The following LRP1B variants were observed in gnomAD, a reference collection of about 807,000 sequenced individuals.
LRP1B encodes LDL receptor related protein 1B.
In LRP1B, 217 loss-of-function variants were observed where a neutral mutation model predicts 556.6. That is an observed-to-expected ratio of 0.39 (90% CI 0.35 to 0.44). The LOEUF is 0.44. LRP1B is among the 20% of genes least tolerant of loss of function. LRP1B has a pLI of 1.00. For synonymous variants in LRP1B, 2,047 were observed against 1,865.8 expected (o/e 1.10, Z -2.50); for missense variants, 5,053 against 5,620.8 (o/e 0.90, Z 3.23).
intron 35 of LRP1B, among the ~76,000 whole-genome samples, chr2:140,754,863 C>G (rs1245724167): frequency 2.0e-5 from 3 of 150,382 alleles, no homozygotes; most frequent in Non-Finnish European, 3.0e-5. Context: ...ACAGAAAATA[C>G]TAACAAAATC....
intron 6 of LRP1B, among the ~76,000 whole-genome samples, chr2:141,227,207 G>C (rs1276874760): frequency 6.6e-6 from 1 of 152,146 alleles, no homozygotes. Context: ...TTAAAGAAGA[G>C]AAGACACCAT....
At chr2:141,632,169 C>A (rs1688938226) in intron 2 of LRP1B, among the ~76,000 whole-genome samples, 1 of 152,132 alleles carries the variant, frequency 6.6e-6, no homozygotes, top group Non-Finnish European at 1.5e-5. Context: ...AGCAATCCAC[C>A]CACCTCGGCC....
rs866526776 is a variant in LRP1B, at chr2:141,123,114, G to T, written c.1014-60841C>A. 3.9e-5 allele frequency among the ~76,000 whole-genome samples: 6 copies of T among 152,016 alleles called. No individual in the cohort carries two copies. In the South Asian group the frequency reaches 1.2e-3, roughly 32 times the overall value. Reference sequence around the variant, plus strand: ...GGGCCTGTCATGGGGTGGGGAGAGGGATAGCATTAGGAGATATACCTAATG... The same window carrying T: ...GGGCCTGTCATGGGGTGGGGAGAGGTATAGCATTAGGAGATATACCTAATG... On this transcript the variant is annotated intron_variant, in intron 7 of 90. Coordinates refer to ENST00000389484, the MANE Select transcript of LRP1B (RefSeq NM_018557.3).
intron 20 of LRP1B, among the ~76,000 whole-genome samples, chr2:140,932,161 A>C (rs780460494): frequency 1.3e-5 from 2 of 152,158 alleles, no homozygotes; most frequent in Non-Finnish European, 2.9e-5. Context: ...TAATTTAAAA[A>C]TTATTAATAA....
Position 140,813,761 on chromosome 2 carries a change from G to A in LRP1B, c.5255C>T (p.Ser1752Leu), listed in dbSNP as rs761567956. 59 of 1,607,182 alleles carry A rather than the reference G, an allele frequency of 3.7e-5. No homozygotes were observed. The highest frequency in any genetic ancestry group is 2.9e-4 in the African/African-American group (22 of 74,704). Residue 1752 changes from serine (S) to leucine (L), a missense_variant, in exon 32 of 91, where the codon TCA becomes TTA. By Grantham distance (145) the Ser-to-Leu change is moderately radical (BLOSUM62 -2). Coordinates refer to ENST00000389484, the MANE Select transcript of LRP1B (RefSeq NM_018557.3). Reference protein sequence around the residue: ...YVENKLYWISSGNGTINRCNL... With the variant: ...YVENKLYWISLGNGTINRCNL... ...GCATCTATTTATGGTTCCATTCCCT[G>A]AACTGATCCAATAAAGCTTGTTTTC...
rs1340760558 is a variant in LRP1B at position 141,639,367 on chromosome 2, T to C, written c.206-158834A>G. ...ATATATATACACACACACACACATA[T>C]ATATATATACACATATATATATACA... On this transcript the variant is annotated intron_variant, in intron 2 of 90. Transcript: ENST00000389484. 6.5e-3 allele frequency among the ~76,000 whole-genome samples: 333 copies of C among 51,048 alleles called. 4 individuals carry two copies. Among genetic ancestry groups the C allele is most frequent in the African/African-American group, 8.4e-3 (171 of 20,396 alleles). 33.5% of individuals were successfully genotyped at this position (51,048 alleles called of 152,430 possible). A position where few individuals can be genotyped will look rare whatever the true frequency, so the allele number is the denominator to read the frequency against.
chr2:141,476,389 G>A (rs1202643188), intron 3 of LRP1B, among the ~76,000 whole-genome samples: 1 of 152,076 alleles, frequency 6.6e-6, no homozygotes, highest in Non-Finnish European at 1.5e-5. Flanking sequence ...TGGATTGAGA[G>A]GCCTTGTATT....
At chr2:140,677,827 G>T (rs976561129) in intron 41 of LRP1B, among the ~76,000 whole-genome samples, 78 of 145,594 alleles carry the variant, frequency 5.4e-4, no homozygotes, top group Non-Finnish European at 2.2e-4. Flanking sequence ...AGTGAGCCGA[G>T]ATCGTGCTAT....
intron 7 of LRP1B, among the ~76,000 whole-genome samples, chr2:141,182,937 A>G (rs898221079): frequency 1.3e-5 from 2 of 151,992 alleles, no homozygotes; most frequent in Admixed American, 6.6e-5. Context: ...GCAGTCATGA[A>G]TCACAGATGA....
chr2:140,364,887 C>T (rs200751131), intron 71 of LRP1B, 104 bp from the exon 72 acceptor site: 3 of 908,136 alleles, frequency 3.3e-6, no homozygotes, highest in Non-Finnish European at 5.0e-6. Flanking sequence ...TAGTTGACTG[C>T]TTCCATATAT....
At chr2:140,471,187 T>C (rs906449267) in intron 60 of LRP1B, among the ~76,000 whole-genome samples, 6 of 152,214 alleles carry the variant, frequency 3.9e-5, no homozygotes, top group African/African-American at 1.4e-4. Flanking sequence ...ACCTATTCCA[T>C]GTCTCAAGAG....
At chr2:141,030,084 T>A (rs900661851) in intron 11 of LRP1B, among the ~76,000 whole-genome samples, 1 of 152,198 alleles carries the variant, frequency 6.6e-6, no homozygotes, top group East Asian at 1.9e-4. Context: ...TTCCTCTAAA[T>A]GAGTTTTCTT....
intron 11 of LRP1B, among the ~76,000 whole-genome samples, chr2:141,036,494 C>G (rs1698535942): frequency 6.6e-6 from 1 of 152,088 alleles, no homozygotes; most frequent in Non-Finnish European, 1.5e-5. Flanking sequence ...TTCCACCTCC[C>G]TGAAGCAAGA....
intron 1 of LRP1B, among the ~76,000 whole-genome samples, chr2:141,857,112 T>G (rs952860906): frequency 2.6e-5 from 4 of 152,136 alleles, no homozygotes; most frequent in African/African-American, 9.7e-5. Flanking sequence ...CCACTAGAGT[T>G]AACTTTCTAC....
chr2:141,525,090 G>A (rs557578071), intron 2 of LRP1B, among the ~76,000 whole-genome samples: 5 of 151,898 alleles, frequency 3.3e-5, no homozygotes, highest in Non-Finnish European at 5.9e-5. Context: ...ATGTTTAAGT[G>A]TTTCTTACAT....
intron 3 of LRP1B, among the ~76,000 whole-genome samples, chr2:141,278,797 T>A (rs1217105501): frequency 6.6e-6 from 1 of 152,122 alleles, no homozygotes; most frequent in Non-Finnish European, 1.5e-5. Flanking sequence ...CTTTTGGGGG[T>A]AAAATATCCA....
chr2:140,375,486 G>A (rs755544733), intron 68 of LRP1B, among the ~76,000 whole-genome samples: 5 of 151,962 alleles, frequency 3.3e-5, no homozygotes, highest in Non-Finnish European at 5.9e-5. Context: ...ACTTTTCACT[G>A]GCAGATGTAG....
intron 66 of LRP1B, among the ~76,000 whole-genome samples, chr2:140,402,341 C>T (rs928614734): frequency 6.6e-6 from 1 of 152,134 alleles, no homozygotes; most frequent in Admixed American, 6.5e-5. Flanking sequence ...CCTTGAGGCT[C>T]ATGAAGAGTC....
At chr2:141,234,038 C>T (rs73962866) in intron 5 of LRP1B, among the ~76,000 whole-genome samples, 1,897 of 152,056 alleles carry the variant, frequency 0.012, 36 homozygotes, top group African/African-American at 0.044. Flanking sequence ...CTGCATAAAA[C>T]GTTGAATAAT....
Sources: allele counts gnomAD v4.1 joint callset (sites outside exome capture counted in the v4.1 genomes callset), GRCh38; gene constraint gnomAD v4.1.1; transcripts MANE v1.5; gene names NCBI Gene and HGNC (gene_info 2026-07-23, HGNC 2026-07-21).